TNFRSF10D: variants seen among roughly 807,000 people sequenced by gnomAD.
TNFRSF10D encodes tumor necrosis factor receptor superfamily member 10D.
A neutral mutation model predicts 42.1 loss-of-function variants in TNFRSF10D; 28 were observed. That is an observed-to-expected ratio of 0.66 (90% CI 0.49 to 0.91). The LOEUF is 0.91. Among genes scored for constraint, TNFRSF10D ranks in the 40% least tolerant of loss-of-function variants. The probability of loss-of-function intolerance (pLI) is 0.00; values close to 1 mark genes in which losing one functional copy is unlikely to be tolerated. For missense variants in TNFRSF10D, 503 were observed against 486.1 expected, an observed-to-expected ratio of 1.03 and a Z score of -0.33; for synonymous variants, 186 against 189.4, an observed-to-expected ratio of 0.98 and a Z score of 0.15.
chr8:23,142,922 G>T (rs532926082), intron 7 of TNFRSF10D, among the ~76,000 whole-genome samples: 2 of 152,254 alleles, frequency 1.3e-5, no homozygotes, highest in Middle Eastern at 6.8e-3. Flanking sequence ...AGGGCTGGGG[G>T]CTGGAGGAAG....
intron 3 of TNFRSF10D, among the ~76,000 whole-genome samples, chr8:23,148,075 A>C (rs1173476922): frequency 1.3e-5 from 2 of 149,252 alleles, no homozygotes; most frequent in African/African-American, 2.5e-5. Flanking sequence ...CCAAAAAAAA[A>C]AAAAAAAAAA....
intron 1 of TNFRSF10D, among the ~76,000 whole-genome samples, chr8:23,161,731 T>C (rs1800370306): frequency 6.6e-6 from 1 of 152,186 alleles, no homozygotes; most frequent in Non-Finnish European, 1.5e-5. Flanking sequence ...TAGCAACGAA[T>C]GAAAGCTAAG....
Position 23,144,366 on chromosome 8 carries a change from A to G in TNFRSF10D, c.954+84T>C, listed in dbSNP as rs1800078219. The G allele has an allele frequency of 1.4e-5, 20 of 1,480,094 alleles. No individual in the cohort carries two copies. The South Asian group carries it at 2.4e-4, about 18-fold the overall frequency. The allele number at this position is 1,480,094 out of a possible 1,614,324, so 91.7% of individuals were successfully genotyped here. On this transcript the variant is annotated intron_variant, in intron 7 of 8. Transcript: ENST00000312584. ...GCTCCATGTCCCCTTGGGCCAGGAA[A>G]GAGGAGGCACTGCCATGTCCCACTG...
Position 23,154,769 on chromosome 8 carries a change from T to C in TNFRSF10D, c.256+105A>G. On this transcript the variant is annotated intron_variant, in intron 2 of 8. Transcript: ENST00000312584. ...ATGTGAATTAGCTTGATTTAGCCAT[T>C]TCACAATGCGTGCATATTTCCAAAC... The C allele has an allele frequency of 4.8e-6, 6 of 1,257,024 alleles. No individual in the cohort carries two copies. In the South Asian group the frequency reaches 7.9e-5, roughly 17 times the overall value. The allele number at this position is 1,257,024 out of a possible 1,614,324, so 77.9% of individuals were successfully genotyped here.
At chr8:23,158,408 T>C (rs965347673) in intron 1 of TNFRSF10D, among the ~76,000 whole-genome samples, 2 of 152,240 alleles carry the variant, frequency 1.3e-5, no homozygotes, top group Non-Finnish European at 2.9e-5. Context: ...GCGTGGGGTA[T>C]CTTTTTCCAT....
chr8:23,148,133 A>T (rs1351671948), intron 3 of TNFRSF10D, among the ~76,000 whole-genome samples: 1 of 148,206 alleles, frequency 6.7e-6, no homozygotes, highest in Non-Finnish European at 1.5e-5. Flanking sequence ...CCAGCTACTT[A>T]GGAGGCTGAG....
At chr8:23,163,383 G>T (rs1239736837) in intron 1 of TNFRSF10D, among the ~76,000 whole-genome samples, 1 of 152,110 alleles carries the variant, frequency 6.6e-6, no homozygotes, top group Non-Finnish European at 1.5e-5. Flanking sequence ...GATTACAGGC[G>T]TGAGCCACCG....
chr8:23,143,787 T>G lies in TNFRSF10D; in HGVS notation c.954+663A>C, dbSNP rs1800066921. On this transcript the variant is annotated intron_variant, in intron 7 of 8. Transcript: ENST00000312584. ...AAATGGCACCTACGTTCCACTGGTG[T>G]ATGCTACAAACCAAATCATTCTTTA... Among the ~76,000 whole-genome samples the G allele has an allele frequency of 2.0e-5, 3 of 152,164 alleles. No homozygotes were observed. In the South Asian group the frequency reaches 6.2e-4, roughly 32 times the overall value.
chr8:23,157,727 C>T (rs111823594), intron 1 of TNFRSF10D, among the ~76,000 whole-genome samples: 919 of 150,654 alleles, frequency 6.1e-3, no homozygotes, highest in African/African-American at 0.019. Flanking sequence ...TATTATTATA[C>T]TCCTTGAAGA....
chr8:23,160,299 G>T (rs2128840017), intron 1 of TNFRSF10D, among the ~76,000 whole-genome samples: 1 of 152,272 alleles, frequency 6.6e-6, no homozygotes, highest in African/African-American at 2.4e-5. Flanking sequence ...CGCAGTGGCG[G>T]CCTCAGCTTA....
In TNFRSF10D at chr8:23,148,625, C is replaced by A. The variant is rs937068279; in HGVS notation, c.257-74G>T. The A allele has an allele frequency of 3.5e-6, 4 of 1,129,512 alleles. No homozygotes were observed. The African/African-American group carries it at 6.1e-5, about 17-fold the overall frequency. The allele number at this position is 1,129,512 out of a possible 1,614,324, so 70.0% of individuals were successfully genotyped here. ...GAGGCTGACAATGGCTGGCAAATTT[C>A]TCTTTTGGCCCTCAGTGGAATCCAG... On this transcript the variant is annotated intron_variant, in intron 2 of 8. Transcript: ENST00000312584.
chr8:23,148,987 G>T (rs564548117), intron 2 of TNFRSF10D, among the ~76,000 whole-genome samples: 4 of 151,466 alleles, frequency 2.6e-5, no homozygotes, highest in African/African-American at 4.8e-5. Context: ...TCAGGAGATC[G>T]AGACCATCCT....
chr8:23,137,634 A>T lies in TNFRSF10D; in HGVS notation c.*236T>A, dbSNP rs878875568. 474 of 492,022 alleles carry T rather than the reference A, an allele frequency of 9.6e-4. No homozygotes were observed. The South Asian group carries it at 0.011, about 11-fold the overall frequency. The allele number at this position is 492,022 out of a possible 1,614,324, so 30.5% of individuals were successfully genotyped here. ...ACGACCCTTAATACACAATCGTATA[A>T]CTATGCAGCCAAGAATCTGATATAA... On this transcript the variant is annotated 3_prime_UTR_variant, in exon 9 of 9. Transcript: ENST00000312584.
At chr8:23,145,613 TG>T (rs1800107453) in intron 5 of TNFRSF10D, 54 bp downstream of exon 5, 2 of 1,609,574 alleles carry the variant, frequency 1.2e-6, no homozygotes, top group Non-Finnish European at 1.7e-6. Context: ...GGGAACGGAG[TG>T]GGAGAGGGCA....
chr8:23,144,841 G>A (rs113661220), intron 6 of TNFRSF10D, among the ~76,000 whole-genome samples: 4 of 151,864 alleles, frequency 2.6e-5, no homozygotes, highest in Non-Finnish European at 5.9e-5. Flanking sequence ...TGGTGTCACC[G>A]AGGCTGCAGG....
intron 3 of TNFRSF10D, among the ~76,000 whole-genome samples, chr8:23,147,282 A>G (rs185181827): frequency 6.6e-6 from 1 of 152,178 alleles, no homozygotes; most frequent in African/African-American, 2.4e-5. Flanking sequence ...ATTATTTATT[A>G]TATCAGGTTA....
At chr8:23,150,704 CAACAT>C (rs1800202330) in intron 2 of TNFRSF10D, among the ~76,000 whole-genome samples, 1 of 151,950 alleles carries the variant, frequency 6.6e-6, no homozygotes, top group Admixed American at 6.6e-5. Context: ...TATACACAGA[CAACAT>C]AATAAAGAAG....
At chr8:23,160,559 C>T (rs1191997508) in intron 1 of TNFRSF10D, among the ~76,000 whole-genome samples, 1 of 152,230 alleles carries the variant, frequency 6.6e-6, no homozygotes, top group Admixed American at 6.5e-5. Context: ...GGAAAACAAC[C>T]TGCCCTCATG....
intron 7 of TNFRSF10D, among the ~76,000 whole-genome samples, chr8:23,140,063 G>A (rs1375765362): frequency 1.3e-5 from 2 of 152,186 alleles, no homozygotes; most frequent in Non-Finnish European, 1.5e-5. Flanking sequence ...GCCAAGGAGG[G>A]CGGATCACAA....
Sources: gnomAD v4.1 joint callset for allele counts (sites outside exome capture counted in the v4.1 genomes callset) on GRCh38, gnomAD v4.1.1 for gene constraint, MANE v1.5 for transcripts, NCBI Gene and HGNC (gene_info 2026-07-23, HGNC 2026-07-21) for gene names.